ZNF407: variants seen among roughly 807,000 people sequenced by gnomAD.
The protein encoded by ZNF407 is zinc finger protein 407.
ZNF407 carries 17 observed loss-of-function variants against 131.2 expected under a neutral mutation model. That is an observed-to-expected ratio of 0.13 (90% CI 0.09 to 0.19). The LOEUF (loss-of-function observed/expected upper bound fraction) is 0.19. ZNF407 is among the 10% of genes least tolerant of loss of function. The pLI is 1.00. For synonymous variants in ZNF407, 1,156 were observed against 1,062.0 expected (o/e 1.09, Z -1.72); for missense variants, 2,681 against 2,830.6 (o/e 0.95, Z 1.20).
At chr18:74,844,364 C>G (rs1369008386) in intron 4 of ZNF407, among the ~76,000 whole-genome samples, 1 of 152,184 alleles carries the variant, frequency 6.6e-6, no homozygotes, top group Admixed American at 6.5e-5. Context: ...ATCCAGCTTC[C>G]CTCAGGACTT....
intron 3 of ZNF407, among the ~76,000 whole-genome samples, chr18:74,704,254 G>A (rs1463091465): frequency 2.0e-5 from 3 of 152,222 alleles, no homozygotes; most frequent in Non-Finnish European, 2.9e-5. Context: ...CACATTTTCA[G>A]TAATTCTTCG....
At chr18:74,880,866 C>G (rs1387111152) in intron 5 of ZNF407, among the ~76,000 whole-genome samples, 170 bp from the exon 6 acceptor site, 1 of 152,198 alleles carries the variant, frequency 6.6e-6, no homozygotes, top group Non-Finnish European at 1.5e-5. Flanking sequence ...TTCAGTGGTG[C>G]TTTTCAGATT....
At chr18:75,053,298 C>G (rs1162388581) in intron 8 of ZNF407, among the ~76,000 whole-genome samples, 1 of 152,134 alleles carries the variant, frequency 6.6e-6, no homozygotes, top group East Asian at 1.9e-4. Context: ...GGACAGGACC[C>G]CGTCAGGTCT....
chr18:74,989,324 G>A (rs1041030785), intron 8 of ZNF407, among the ~76,000 whole-genome samples: 3 of 152,300 alleles, frequency 2.0e-5, no homozygotes, highest in African/African-American at 7.2e-5. Context: ...AGGACACTGA[G>A]GAACATTTTG....
At chr18:74,938,918 GAAGAC>G (rs1162663823) in intron 8 of ZNF407, among the ~76,000 whole-genome samples, 15 of 152,200 alleles carry the variant, frequency 9.9e-5, no homozygotes, top group Non-Finnish European at 2.2e-4. Flanking sequence ...TCACCCCACT[GAAGAC>G]AGACAGCTCA....
At chr18:74,721,424 C>T (rs1263772156) in intron 3 of ZNF407, among the ~76,000 whole-genome samples, 1 of 151,984 alleles carries the variant, frequency 6.6e-6, no homozygotes, top group East Asian at 1.9e-4. Context: ...AAGTGGCGTC[C>T]AAATTGAAAA....
At chr18:74,869,129 G>T (rs1431152285) in intron 4 of ZNF407, among the ~76,000 whole-genome samples, 1 of 152,082 alleles carries the variant, frequency 6.6e-6, no homozygotes, top group East Asian at 1.9e-4. Context: ...TATCTTTTTA[G>T]CTCAAATTAT....
At chr18:75,002,742 T>C (rs914245709) in intron 8 of ZNF407, among the ~76,000 whole-genome samples, 1 of 149,664 alleles carries the variant, frequency 6.7e-6, no homozygotes, top group African/African-American at 2.5e-5. Flanking sequence ...GAGGTGGAGC[T>C]TGCAGCGAGC....
At chr18:74,797,808 A>C (rs1484208014) in intron 4 of ZNF407, among the ~76,000 whole-genome samples, 1 of 151,346 alleles carries the variant, frequency 6.6e-6, no homozygotes, top group East Asian at 1.9e-4. Context: ...AATTAGCTGC[A>C]AGGCATTTTT....
At chr18:74,722,708 T>A (rs1216236612) in intron 3 of ZNF407, among the ~76,000 whole-genome samples, 1 of 152,224 alleles carries the variant, frequency 6.6e-6, no homozygotes. Context: ...AAAACTCTAG[T>A]AGTTTTTCAA....
At chr18:74,864,567 A>G (rs966477647) in intron 4 of ZNF407, among the ~76,000 whole-genome samples, 3 of 152,224 alleles carry the variant, frequency 2.0e-5, no homozygotes, top group African/African-American at 7.2e-5. Flanking sequence ...TTAATTATGT[A>G]AAATTATTGA....
At chr18:74,603,060 A>G (rs1982651570) in intron 1 of ZNF407, among the ~76,000 whole-genome samples, 1 of 152,188 alleles carries the variant, frequency 6.6e-6, no homozygotes, top group African/African-American at 2.4e-5. Context: ...AGCAGGGGCC[A>G]AACTGCGAAG....
chr18:74,770,566 T>C (rs1969340025), intron 3 of ZNF407, among the ~76,000 whole-genome samples: 1 of 152,232 alleles, frequency 6.6e-6, no homozygotes, highest in Non-Finnish European at 1.5e-5. Context: ...GTCTACAATG[T>C]ACTCTTAATG....
At chr18:74,601,900 A>C (rs1982601542) in intron 1 of ZNF407, among the ~76,000 whole-genome samples, 1 of 152,254 alleles carries the variant, frequency 6.6e-6, no homozygotes, top group South Asian at 2.1e-4. Context: ...AGTATGAGTC[A>C]TTTGGAGCAG....
intron 4 of ZNF407, among the ~76,000 whole-genome samples, chr18:74,805,076 C>T (rs1970088699): frequency 6.6e-6 from 1 of 152,168 alleles, no homozygotes; most frequent in Admixed American, 6.5e-5. Flanking sequence ...AAAAAATGAC[C>T]TCTTTTTTCC....
chr18:74,931,197 A>G (rs1488436696), intron 8 of ZNF407, among the ~76,000 whole-genome samples: 1 of 152,224 alleles, frequency 6.6e-6, no homozygotes, highest in Non-Finnish European at 1.5e-5. Context: ...ACAAAAGGAA[A>G]ACATAAGTTG....
Position 74,631,466 on chromosome 18 carries a change from T to A in ZNF407, c.447T>A (p.Thr149=), listed in dbSNP as rs373074215. The A allele has an allele frequency of 2.5e-5, 40 of 1,613,998 alleles. No individual in the cohort carries two copies. In the African/African-American group the frequency reaches 4.8e-4, roughly 19 times the overall value. ...ATGTTGTTTCTCTGAAAACAGACAC[T>A]GAAAAAACATCTGCTCAGGAAATGG... ...TIDVVSLKTD[T]EKTSAQEMVS... Residue 149 remains threonine (T), a synonymous_variant, in exon 2 of 9, where the codon ACT becomes ACA. Transcript: ENST00000299687.
chr18:74,904,077 G>A (rs1971564080), intron 7 of ZNF407, among the ~76,000 whole-genome samples: 1 of 152,186 alleles, frequency 6.6e-6, no homozygotes, highest in Non-Finnish European at 1.5e-5. Context: ...CAAAGCCCTA[G>A]GAGTATCCTG....
intron 8 of ZNF407, among the ~76,000 whole-genome samples, chr18:74,985,473 T>C (rs1972641885): frequency 2.6e-5 from 4 of 152,246 alleles, no homozygotes; most frequent in Admixed American, 2.6e-4. Context: ...TAGACTAATC[T>C]TTGAGTTCCT....
Sources: allele counts gnomAD v4.1 joint callset (sites outside exome capture counted in the v4.1 genomes callset), GRCh38; gene constraint gnomAD v4.1.1; transcripts MANE v1.5; gene names NCBI Gene and HGNC (gene_info 2026-07-23, HGNC 2026-07-21).